Variants in CCNYL1 observed in about 807,000 individuals in gnomAD.
CCNYL1 encodes cyclin Y like 1.
Under a neutral mutation model 44.2 loss-of-function variants are expected in CCNYL1, and 16 were observed. The observed-to-expected ratio is 0.36, with a 90% CI of 0.25 to 0.55. The LOEUF (loss-of-function observed/expected upper bound fraction) is 0.55. CCNYL1 is among the 20% of genes least tolerant of loss of function. CCNYL1 has a pLI of 0.85. For synonymous variants in CCNYL1, 159 were observed against 163.2 expected, an observed-to-expected ratio of 0.97 and a Z score of 0.20; for missense variants, 348 against 451.8, an observed-to-expected ratio of 0.77 and a Z score of 2.08.
chr2:207,713,578 A>T (rs2091570338), intron 1 of CCNYL1, among the ~76,000 whole-genome samples: 1 of 152,370 alleles, frequency 6.6e-6, no homozygotes, highest in African/African-American at 2.4e-5. Context: ...TTTGAAGTAG[A>T]AAAACATTGT....
At chr2:207,719,050 AAGG>A (rs1575208921) in intron 1 of CCNYL1, among the ~76,000 whole-genome samples, 1 of 150,880 alleles carries the variant, frequency 6.6e-6, no homozygotes, top group Admixed American at 6.6e-5. Flanking sequence ...GAAAAAAAAC[AAGG>A]AGGAGAATGT....
chr2:207,737,328 C>T (rs1322975431), intron 4 of CCNYL1, 83 bp from the exon 5 acceptor site: 1 of 1,020,558 alleles, frequency 9.8e-7, no homozygotes, highest in Non-Finnish European at 1.5e-6. Context: ...GAGGGTTCCT[C>T]CCTTCCCTCA....
At chr2:207,733,439 G>T (rs2091743825) in intron 3 of CCNYL1, among the ~76,000 whole-genome samples, 1 of 152,210 alleles carries the variant, frequency 6.6e-6, no homozygotes, top group Non-Finnish European at 1.5e-5. Flanking sequence ...AGCCCTGGCA[G>T]ACGAAGCCTC....
intron 1 of CCNYL1, among the ~76,000 whole-genome samples, chr2:207,724,472 A>G (rs2105822836): frequency 6.6e-6 from 1 of 152,332 alleles, no homozygotes; most frequent in Non-Finnish European, 1.5e-5. Flanking sequence ...ATAGCAGTAG[A>G]GAGGAGAGTG....
chr2:207,728,728 G>C (rs956557950), intron 3 of CCNYL1, among the ~76,000 whole-genome samples: 2 of 152,028 alleles, frequency 1.3e-5, no homozygotes, highest in African/African-American at 4.8e-5. Context: ...ACATGTCTCC[G>C]GAAGCTTTTT....
intron 9 of CCNYL1, among the ~76,000 whole-genome samples, chr2:207,752,001 C>T (rs1239339500): frequency 6.6e-6 from 1 of 151,900 alleles, no homozygotes. Context: ...CACCGCTGCA[C>T]TCTAGCCTAG....
In CCNYL1 at chr2:207,711,708, G is replaced by GAGCGGAGGCTT. The variant is rs2091548422; in HGVS notation, c.-189_-188insAGCGGAGGCTT. On this transcript the variant is annotated 5_prime_UTR_variant, in exon 1 of 10. Transcript: ENST00000295414. The stretch of plus-strand genomic sequence containing the variant: ...GGGGTGCGGCCGAGGCCCGAGCCCT[G>GAGCGGAGGCTT]CCCGGGGCCGGGCCGCGGGGCGGGC... The GAGCGGAGGCTT allele has an allele frequency of 5.6e-6, 1 of 178,694 alleles. No homozygotes were observed. Among genetic ancestry groups the GAGCGGAGGCTT allele is most frequent in the East Asian group, 1.6e-4 (1 of 6,366 alleles). 11.1% of individuals were successfully genotyped at this position (178,694 alleles called of 1,614,324 possible).
At chr2:207,714,088 A>C (rs990153991) in intron 1 of CCNYL1, among the ~76,000 whole-genome samples, 1 of 152,216 alleles carries the variant, frequency 6.6e-6, no homozygotes, top group Non-Finnish European at 1.5e-5. Flanking sequence ...TTAGGTATGT[A>C]GAATGACTAT....
Position 207,754,518 on chromosome 2 carries a change from A to C in CCNYL1, c.*820A>C, listed in dbSNP as rs1468144472. On this transcript the variant is annotated 3_prime_UTR_variant, in exon 10 of 10. Coordinates refer to ENST00000295414, the MANE Select transcript of CCNYL1 (RefSeq NM_001330218.2). Reference sequence around the variant, plus strand: ...GTTCAGTGACGATGAGAAAAAGTGAAGCAGTTTTAAGCTTGAATATAGTTT... The same window carrying C: ...GTTCAGTGACGATGAGAAAAAGTGACGCAGTTTTAAGCTTGAATATAGTTT... 6.5e-6 allele frequency: 1 copy of C among 152,676 alleles called. No individual in the cohort carries two copies. The highest frequency in any genetic ancestry group is 1.5e-5 in the Non-Finnish European group (1 of 68,056). 9.5% of individuals were successfully genotyped at this position (152,676 alleles called of 1,614,324 possible).
In CCNYL1 at chr2:207,726,820, A is replaced by G; in HGVS notation, c.296-22A>G. Reference sequence around the variant, plus strand: ...TGTGGCATTTGTATCAGAATTGATCAGCTAATTTTTTTTATTCTTAGTGCG... The same window carrying G: ...TGTGGCATTTGTATCAGAATTGATCGGCTAATTTTTTTTATTCTTAGTGCG... On this transcript the variant is annotated intron_variant, in intron 2 of 9. Transcript: ENST00000295414. 4 of 1,553,476 alleles carry G rather than the reference A, an allele frequency of 2.6e-6. No homozygotes were observed. In the South Asian group the frequency reaches 3.5e-5, roughly 14 times the overall value.
At chr2:207,729,247 T>C (rs1444225180) in intron 3 of CCNYL1, among the ~76,000 whole-genome samples, 2 of 104,652 alleles carry the variant, frequency 1.9e-5, no homozygotes, top group African/African-American at 1.0e-4. Flanking sequence ...TTTACTTGTC[T>C]CCGCCCCCCC....
At chr2:207,718,837 A>T (rs1358819390) in intron 1 of CCNYL1, among the ~76,000 whole-genome samples, 3 of 152,224 alleles carry the variant, frequency 2.0e-5, no homozygotes, top group African/African-American at 7.2e-5. Context: ...CTGAAGGCAT[A>T]CCCCATAAAT....
intron 1 of CCNYL1, among the ~76,000 whole-genome samples, chr2:207,718,127 A>C (rs139863408): frequency 0.026 from 3,996 of 151,960 alleles, 176 homozygotes; most frequent in African/African-American, 0.092. Context: ...GATGGTCTCG[A>C]TCTCCCAACC....
chr2:207,739,337 AT>A (rs1575219146), intron 5 of CCNYL1, among the ~76,000 whole-genome samples: 1 of 152,082 alleles, frequency 6.6e-6, no homozygotes, highest in East Asian at 1.9e-4. Flanking sequence ...GGTTCAAGTG[AT>A]TCTCCTGCCT....
chr2:207,719,096 A>T (rs966879156), intron 1 of CCNYL1, among the ~76,000 whole-genome samples: 3 of 152,130 alleles, frequency 2.0e-5, no homozygotes, highest in African/African-American at 7.2e-5. Context: ...GTATTTGCTT[A>T]TTTAAAACAA....
Position 207,754,611 on chromosome 2 carries a change from T to TTTTTG in CCNYL1, c.*927_*931dup, listed in dbSNP as rs758666504. On this transcript the variant is annotated 3_prime_UTR_variant, in exon 10 of 10. Transcript: ENST00000295414. ...CCTTTAAAAAACATGATTTGAAAGT[T>TTTTTG]TTTTGTTTTGTTTTGTTTGTTTTTA... The TTTTTG allele has an allele frequency of 2.6e-5, 4 of 152,328 alleles. No individual in the cohort carries two copies. The highest frequency in any genetic ancestry group is 2.6e-4 in the Admixed American group (4 of 15,266). The allele number at this position is 152,328 out of a possible 1,614,324, so 9.4% of individuals were successfully genotyped here.
chr2:207,745,004 G>A (rs1244893347), intron 7 of CCNYL1, among the ~76,000 whole-genome samples: 2 of 152,146 alleles, frequency 1.3e-5, no homozygotes, highest in African/African-American at 4.8e-5. Context: ...CTTGGGGAGT[G>A]GAGCAGTGGG....
rs190025708 is a variant in CCNYL1, at chr2:207,741,805, C to T, written c.520-418C>T. ...AGGTTGCAGTGAGCCGAGATTGTGC[C>T]ACTGCATTCCAGCCTGGGCGACAGA... is the stretch of plus-strand genomic sequence containing the variant. On this transcript the variant is annotated intron_variant, in intron 6 of 9. Coordinates refer to ENST00000295414, the MANE Select transcript of CCNYL1 (RefSeq NM_001330218.2). Among the ~76,000 whole-genome samples, 476 of 149,278 alleles carry T rather than the reference C, an allele frequency of 3.2e-3. 8 individuals are homozygous for T. Among genetic ancestry groups the T allele is most frequent in the African/African-American group, 0.011 (452 of 40,396 alleles).
chr2:207,724,031 T>G lies in CCNYL1; in HGVS notation c.221-769T>G, dbSNP rs543596747. Among the ~76,000 whole-genome samples the G allele has an allele frequency of 2.6e-5, 4 of 152,284 alleles. No individual in the cohort carries two copies. The East Asian group carries it at 7.7e-4, about 29-fold the overall frequency. ...GTCTTGCCTAAATATATTATCCAACTTTGGTGCAAGGTGGACTACAGGCAG... is the reference window on the plus strand; with the variant it reads ...GTCTTGCCTAAATATATTATCCAACGTTGGTGCAAGGTGGACTACAGGCAG... On this transcript the variant is annotated intron_variant, in intron 1 of 9. Transcript: ENST00000295414.
Sources: gnomAD v4.1 joint callset for allele counts (sites outside exome capture counted in the v4.1 genomes callset) on GRCh38, gnomAD v4.1.1 for gene constraint, MANE v1.5 for transcripts, NCBI Gene and HGNC (gene_info 2026-07-23, HGNC 2026-07-21) for gene names.